Variants in RORA observed in about 807,000 individuals in gnomAD.
The protein encoded by RORA is nuclear receptor ROR-alpha.
A neutral mutation model predicts 69.5 loss-of-function variants in RORA; 7 were observed. The observed-to-expected ratio is 0.10, with a 90% CI of 0.06 to 0.19. RORA has a LOEUF of 0.19. Among genes scored for constraint, RORA ranks in the 10% least tolerant of loss-of-function variants. The pLI, the probability that RORA is intolerant of heterozygous loss-of-function variation, is 1.00. For missense variants in RORA, 457 were observed against 663.0 expected, an observed-to-expected ratio of 0.69 and a Z score of 3.41; for synonymous variants, 261 against 240.8, an observed-to-expected ratio of 1.08 and a Z score of -0.78.
chr15:60,679,946 G>A (rs1444432950), intron 1 of RORA, among the ~76,000 whole-genome samples: 1 of 144,160 alleles, frequency 6.9e-6, no homozygotes, highest in Non-Finnish European at 1.5e-5. Context: ...TTGTTTGTTT[G>A]TTTTAAATCA....
intron 2 of RORA, among the ~76,000 whole-genome samples, chr15:60,570,754 G>C (rs1595991953): frequency 6.6e-6 from 1 of 152,276 alleles, no homozygotes; most frequent in East Asian, 1.9e-4. Flanking sequence ...GATTCAATTA[G>C]AGGGTCACAG....
intron 1 of RORA, among the ~76,000 whole-genome samples, chr15:60,929,243 T>A (rs1892305514): frequency 6.6e-6 from 1 of 152,142 alleles, no homozygotes; most frequent in Admixed American, 6.5e-5. Flanking sequence ...TGCAACATGT[T>A]AAGATTTATT....
chr15:60,549,448 G>A (rs1004216918), intron 2 of RORA, among the ~76,000 whole-genome samples: 2 of 152,172 alleles, frequency 1.3e-5, no homozygotes, highest in Non-Finnish European at 2.9e-5. Flanking sequence ...ATGTTTTTTA[G>A]TGTCAAACAC....
At chr15:60,858,228 T>C (rs2073401101) in intron 1 of RORA, among the ~76,000 whole-genome samples, 1 of 152,154 alleles carries the variant, frequency 6.6e-6, no homozygotes, top group Non-Finnish European at 1.5e-5. Context: ...ACTTATGAAA[T>C]GGAAATAAAG....
At chr15:60,749,375 G>A (rs1413785484) in intron 1 of RORA, among the ~76,000 whole-genome samples, 2 of 152,172 alleles carry the variant, frequency 1.3e-5, no homozygotes, top group African/African-American at 2.4e-5. Flanking sequence ...GGGATGAAAT[G>A]TAAATTAATG....
intron 2 of RORA, among the ~76,000 whole-genome samples, chr15:60,645,799 T>G (rs962324943): frequency 9.4e-4 from 44 of 46,922 alleles, no homozygotes; most frequent in African/African-American, 4.8e-3. Context: ...GAAATAGGGT[T>G]TTTTTTTTTT....
At chr15:60,853,930 G>T (rs1284859852) in intron 1 of RORA, among the ~76,000 whole-genome samples, 1 of 152,190 alleles carries the variant, frequency 6.6e-6, no homozygotes, top group Non-Finnish European at 1.5e-5. Context: ...TCCCAGTAAA[G>T]ATTAAATGTG....
chr15:60,519,625 C>A (rs189654717), intron 3 of RORA, among the ~76,000 whole-genome samples: 5 of 152,132 alleles, frequency 3.3e-5, no homozygotes, highest in Non-Finnish European at 5.9e-5. Flanking sequence ...TTAGTGTTTT[C>A]CCTCACTTTA....
At chr15:60,969,442 G>A (rs908640424) in intron 1 of RORA, among the ~76,000 whole-genome samples, 12 of 152,142 alleles carry the variant, frequency 7.9e-5, no homozygotes, top group Admixed American at 7.2e-4. Flanking sequence ...TGATTCTAAT[G>A]TGCAGCCATG....
intron 2 of RORA, chr15:60,677,184 GAGCTC>G (rs1197635717): frequency 4.4e-6 from 2 of 456,014 alleles, no homozygotes; most frequent in Middle Eastern, 3.3e-4. Context: ...GGCCAGGGAC[GAGCTC>G]ATGGGCAAGG....
chr15:61,086,761 T>C (rs916058450), intron 1 of RORA, among the ~76,000 whole-genome samples: 1 of 152,130 alleles, frequency 6.6e-6, no homozygotes, highest in Non-Finnish European at 1.5e-5. Flanking sequence ...GCTAGCAAAC[T>C]ATGGCCCACT....
At chr15:61,083,398 G>A (rs955880219) in intron 1 of RORA, among the ~76,000 whole-genome samples, 6 of 152,164 alleles carry the variant, frequency 3.9e-5, no homozygotes, top group Non-Finnish European at 7.3e-5. Context: ...GGGCCAAGAG[G>A]TAGCAGTTCC....
At chr15:60,986,445 C>T (rs984483842) in intron 1 of RORA, among the ~76,000 whole-genome samples, 4 of 152,208 alleles carry the variant, frequency 2.6e-5, no homozygotes, top group Non-Finnish European at 5.9e-5. Context: ...ATGTGCTTTT[C>T]GAGTTCCTGA....
intron 1 of RORA, among the ~76,000 whole-genome samples, chr15:60,811,853 T>C (rs145896492): frequency 7.5e-4 from 114 of 152,298 alleles, no homozygotes; most frequent in African/African-American, 2.7e-3. Flanking sequence ...AGGACCAAGG[T>C]GTGTTAATTT....
At chr15:60,603,544 T>C (rs372322406) in intron 2 of RORA, among the ~76,000 whole-genome samples, 1 of 152,206 alleles carries the variant, frequency 6.6e-6, no homozygotes, top group Non-Finnish European at 1.5e-5. Flanking sequence ...CTAGAGGAAA[T>C]AGAGGGTTAA....
intron 1 of RORA, among the ~76,000 whole-genome samples, chr15:61,119,419 TATATATATATACACACACACAA>T (rs1315226217): frequency 1.4e-5 from 2 of 142,970 alleles, no homozygotes; most frequent in East Asian, 1.9e-4. Flanking sequence ...ACACACTATA[TATATATATATACACACACACAA>T]ATATATATAT....
chr15:60,647,246 C>G (rs2070061822), intron 2 of RORA, among the ~76,000 whole-genome samples: 1 of 152,134 alleles, frequency 6.6e-6, no homozygotes, highest in Admixed American at 6.5e-5. Flanking sequence ...AAGCTTTTTC[C>G]TTAGTGCTTA....
chr15:60,558,541 T>C, intron 2 of RORA: 1 of 420,872 alleles, frequency 2.4e-6, no homozygotes, highest in South Asian at 4.1e-5. Context: ...GATGTTTCTT[T>C]GAATTTTAAT....
chr15:60,977,065 T>C (rs1229621405), intron 1 of RORA, among the ~76,000 whole-genome samples: 1 of 149,862 alleles, frequency 6.7e-6, no homozygotes, highest in Non-Finnish European at 1.5e-5. Flanking sequence ...TGGGCAATAA[T>C]GTATGTGGTT....
Sources: allele counts gnomAD v4.1 joint callset (sites outside exome capture counted in the v4.1 genomes callset), GRCh38; gene constraint gnomAD v4.1.1; transcripts MANE v1.5; gene names NCBI Gene and HGNC (gene_info 2026-07-23, HGNC 2026-07-21).